The following ABTB2 variants were observed in gnomAD, a reference collection of about 807,000 sequenced individuals.
ABTB2 encodes the protein ankyrin repeat and BTB domain containing 2.
ABTB2 carries 56 observed loss-of-function variants against 104.1 expected under a neutral mutation model. That is an observed-to-expected ratio of 0.54 (90% CI 0.43 to 0.67). The LOEUF (loss-of-function observed/expected upper bound fraction) is 0.67. Ranked by LOEUF, ABTB2 falls within the 30% of genes least tolerant of loss-of-function variation. ABTB2 has a pLI of 0.00. For synonymous variants in ABTB2, 606 were observed against 608.2 expected (o/e 1.00, Z 0.05); for missense variants, 1,279 against 1,407.7 (o/e 0.91, Z 1.46).
At chr11:34,247,494 T>C (rs1854000167) in intron 1 of ABTB2, among the ~76,000 whole-genome samples, 2 of 152,252 alleles carry the variant, frequency 1.3e-5, no homozygotes, top group African/African-American at 4.8e-5. Flanking sequence ...TGTAGGCTAA[T>C]GTAAGTGTTC....
In ABTB2 at chr11:34,154,568, A is replaced by C; in HGVS notation, c.2766+133T>G. ...TGAGGCTGGGCTCAGTGGTGTGCAC[A>C]GTTCCTCTTTCTGGGAACTGCTCTT... On this transcript the variant is annotated intron_variant, in intron 15 of 16. Transcript: ENST00000435224. The surrounding 1 kb of genome is among the most constrained non-coding windows in gnomAD (Gnocchi z 4.9). 1 of 969,288 alleles carries C rather than the reference A, an allele frequency of 1.0e-6. No homozygotes were observed. The highest frequency in any genetic ancestry group is 1.5e-5 in the South Asian group (1 of 67,468). 60.0% of individuals were successfully genotyped at this position (969,288 alleles called of 1,614,324 possible).
chr11:34,305,886 T>C (rs1854765355), intron 1 of ABTB2, among the ~76,000 whole-genome samples: 1 of 152,228 alleles, frequency 6.6e-6, no homozygotes, highest in Non-Finnish European at 1.5e-5. Context: ...CATTCTTCTA[T>C]ATCACATTGC....
chr11:34,168,694 C>A lies in ABTB2; in HGVS notation c.1564-702G>T, dbSNP rs115942356. Among the ~76,000 whole-genome samples the A allele has an allele frequency of 4.8e-3, 729 of 152,348 alleles. 3 individuals carry two copies. The highest frequency in any genetic ancestry group is 0.016 in the African/African-American group (684 of 41,588). On this transcript the variant is annotated intron_variant, in intron 5 of 16. Coordinates refer to ENST00000435224, the MANE Select transcript of ABTB2 (RefSeq NM_145804.3). ...CATAAGCTGTGAAGCCCAAGCTTTGCGCCGTCCCACGAGACGGTAGAGGAG... is the reference window on the plus strand; with the variant it reads ...CATAAGCTGTGAAGCCCAAGCTTTGAGCCGTCCCACGAGACGGTAGAGGAG...
intron 1 of ABTB2, among the ~76,000 whole-genome samples, chr11:34,259,597 G>A (rs1033036567): frequency 6.6e-6 from 1 of 152,174 alleles, no homozygotes; most frequent in Non-Finnish European, 1.5e-5. Context: ...TCAGATCTGT[G>A]GGGTATCACT....
rs1279770564 is a variant in ABTB2 at position 34,357,202 on chromosome 11, G to A, written c.382C>T (p.Leu128=). 2.7e-6 allele frequency: 4 copies of A among 1,508,982 alleles called. No homozygotes were observed. The highest frequency in any genetic ancestry group is 2.8e-5 in the African/African-American group (2 of 70,440). The allele number at this position is 1,508,982 out of a possible 1,614,324, so 93.5% of individuals were successfully genotyped here. Residue 128 remains leucine (L), a synonymous_variant, in exon 1 of 17, where the codon CTG becomes TTG. Transcript: ENST00000435224. ...AGTGCCCTGCGGAGCAGCCCGGCCAGGCGCCTCACCGCCTCGGCGGAGAAC... is the reference window on the plus strand; with the variant it reads ...AGTGCCCTGCGGAGCAGCCCGGCCAAGCGCCTCACCGCCTCGGCGGAGAAC... ...PQFSAEAVRR[L]AGLLRRALIR...
At chr11:34,190,750 T>C (rs1175514556) in intron 3 of ABTB2, among the ~76,000 whole-genome samples, 1 of 152,178 alleles carries the variant, frequency 6.6e-6, no homozygotes, top group Non-Finnish European at 1.5e-5. Context: ...ACTGTAGTAG[T>C]AGTAGTATTA....
chr11:34,190,332 G>A (rs1853158594), intron 3 of ABTB2, among the ~76,000 whole-genome samples: 1 of 142,892 alleles, frequency 7.0e-6, no homozygotes. Flanking sequence ...AGGCCACCCA[G>A]CTCGTGAGTG....
chr11:34,264,464 T>G (rs748540583), intron 1 of ABTB2, among the ~76,000 whole-genome samples: 8 of 152,218 alleles, frequency 5.3e-5, no homozygotes, highest in Non-Finnish European at 1.2e-4. Context: ...ATGGCCCAGA[T>G]CCATGGGAAT....
In ABTB2 at chr11:34,152,454, G is replaced by T. The variant is rs1181696497; in HGVS notation, c.3011C>A (p.Pro1004Gln). 6.9e-6 allele frequency: 11 copies of T among 1,600,780 alleles called. No homozygotes were observed. Among genetic ancestry groups the T allele is most frequent in the Non-Finnish European group, 8.5e-6 (10 of 1,175,056 alleles). The change falls in exon 17 of 17, where the codon CCA (proline) becomes CAA (glutamine). Residue 1004 changes from proline to glutamine, a missense_variant. By Grantham distance (76) the Pro-to-Gln change is moderately conservative. Coordinates refer to ENST00000435224, the MANE Select transcript of ABTB2 (RefSeq NM_145804.3). The part of the protein sequence containing the change: ...GRSSKVQGLD[P>Q]LQDLQNTLAE... ...CAGGGTGTTCTGCAGGTCCTGCAGTGGATCCAGGCCCTGCACTTTGCTGCT... is the reference window on the plus strand; with the variant it reads ...CAGGGTGTTCTGCAGGTCCTGCAGTTGATCCAGGCCCTGCACTTTGCTGCT...
rs1855184645 is a variant in ABTB2 at position 34,335,576 on chromosome 11, A to C, written c.883+21125T>G. 4.0e-6 allele frequency: 6 copies of C among 1,494,214 alleles called. No individual in the cohort carries two copies. In the Admixed American group the frequency reaches 1.0e-4, roughly 25 times the overall value. 92.6% of individuals were successfully genotyped at this position (1,494,214 alleles called of 1,614,324 possible). ...TTTGTATTGCACACTCCACTCTGGC[A>C]CTTTCAAAGTTAAGTTTCTGCACTG... On this transcript the variant is annotated intron_variant, in intron 1 of 16. Coordinates refer to ENST00000435224, the MANE Select transcript of ABTB2 (RefSeq NM_145804.3).
chr11:34,271,997 C>A (rs1854319852), intron 1 of ABTB2, among the ~76,000 whole-genome samples: 1 of 152,056 alleles, frequency 6.6e-6, no homozygotes, highest in Non-Finnish European at 1.5e-5. Context: ...CATCCATATA[C>A]CAGGTGCTTT....
chr11:34,253,393 CA>C (rs141142761), intron 1 of ABTB2, among the ~76,000 whole-genome samples: 2,253 of 152,312 alleles, frequency 0.015, 55 homozygotes, highest in African/African-American at 0.051. Flanking sequence ...TTCCTGCTTT[CA>C]AGGCTGGGCA....
chr11:34,165,367 C>T lies in ABTB2; in HGVS notation c.1756-11G>A. ...AGCATCCAGCAGCAACTGCCAGGGGCACAGAGGAGGAGGGCACTGCTCAGC... is the reference window on the plus strand; with the variant it reads ...AGCATCCAGCAGCAACTGCCAGGGGTACAGAGGAGGAGGGCACTGCTCAGC... On this transcript the variant is annotated splice_polypyrimidine_tract_variant and intron_variant, in intron 7 of 16. Coordinates refer to ENST00000435224, the MANE Select transcript of ABTB2 (RefSeq NM_145804.3). 1 of 1,580,222 alleles carries T rather than the reference C, an allele frequency of 6.3e-7. No homozygotes were observed.
chr11:34,285,437 G>A (rs1032137011), intron 1 of ABTB2, among the ~76,000 whole-genome samples: 1 of 152,126 alleles, frequency 6.6e-6, no homozygotes, highest in Non-Finnish European at 1.5e-5. Context: ...AAACAGGGTG[G>A]CCCTTTTTTC....
At chr11:34,335,096 A>C in intron 1 of ABTB2, 1 of 1,061,540 alleles carries the variant, frequency 9.4e-7, no homozygotes, top group East Asian at 2.4e-5. Flanking sequence ...TAATACAGCA[A>C]ATGAATGGAC....
At chr11:34,220,033 C>G (rs1420311142) in intron 1 of ABTB2, among the ~76,000 whole-genome samples, 1 of 152,206 alleles carries the variant, frequency 6.6e-6, no homozygotes, top group Admixed American at 6.5e-5. Context: ...CTGGTTATCT[C>G]ATAGTTAAGC....
chr11:34,171,163 T>A (rs1411887705), intron 4 of ABTB2, 92 bp from the exon 5 acceptor site: 1 of 1,362,840 alleles, frequency 7.3e-7, no homozygotes, highest in Non-Finnish European at 1.0e-6. Context: ...ACGTGTAGAG[T>A]GAGGATGAGG....
intron 1 of ABTB2, among the ~76,000 whole-genome samples, chr11:34,338,560 G>C (rs1385673088): frequency 6.8e-6 from 1 of 148,080 alleles, no homozygotes; most frequent in East Asian, 2.1e-4. Context: ...AAAAAAATTA[G>C]CCGGGCGTGG....
intron 3 of ABTB2, among the ~76,000 whole-genome samples, chr11:34,183,651 C>T (rs1384781155): frequency 2.0e-5 from 3 of 152,194 alleles, no homozygotes; most frequent in Admixed American, 6.5e-5. Context: ...GCACAGCACT[C>T]GTCCAATTTG....
Sources: allele counts gnomAD v4.1 joint callset (sites outside exome capture counted in the v4.1 genomes callset), GRCh38; gene constraint gnomAD v4.1.1; non-coding constraint Gnocchi (gnomAD v3.1); transcripts MANE v1.5; gene names NCBI Gene and HGNC (gene_info 2026-07-23, HGNC 2026-07-21).